SAMD10: variants seen among roughly 807,000 people sequenced by gnomAD.
The protein encoded by SAMD10 is sterile alpha motif domain-containing protein 10.
SAMD10 carries 16 observed loss-of-function variants against 22.5 expected under a neutral mutation model. The observed-to-expected ratio is 0.71, with a 90% CI of 0.48 to 1.08. The LOEUF (loss-of-function observed/expected upper bound fraction) is 1.08. Among genes scored for constraint, SAMD10 ranks in the 50% least tolerant of loss-of-function variants. The pLI, the probability that SAMD10 is intolerant of heterozygous loss-of-function variation, is 0.00. For missense variants in SAMD10, 227 were observed against 281.3 expected (o/e 0.81, Z 1.38); for synonymous variants, 118 against 122.2 (o/e 0.97, Z 0.23).
Position 63,977,184 on chromosome 20 carries a change from G to A in SAMD10, c.273+41C>T, listed in dbSNP as rs1206642894. ...TGGCAGGCAGAGTGAGAGTGGTGGA[G>A]AAGGAGGGCAGGGACGGAGGTGGGT... On this transcript the variant is annotated intron_variant, in intron 2 of 4. Transcript: ENST00000369886. This position sits in a 1 kb window ranked among gnomAD's most constrained non-coding sequence, Gnocchi z 5.4. The A allele has an allele frequency of 2.5e-6, 4 of 1,585,960 alleles. No homozygotes were observed. The highest frequency in any genetic ancestry group is 2.7e-5 in the African/African-American group (2 of 74,128).
Position 63,976,951 on chromosome 20 carries a change from C to G in SAMD10, c.445+20G>C, listed in dbSNP as rs1167437644. The G allele has an allele frequency of 5.6e-6, 9 of 1,613,034 alleles. No homozygotes were observed. Among genetic ancestry groups the G allele is most frequent in the Non-Finnish European group, 6.8e-6 (8 of 1,179,110 alleles). The stretch of plus-strand genomic sequence containing the variant: ...AGGCAGGTTAGCCCCACTCCCACAG[C>G]ACCCTCAGCGCCACTGTACCGGTGA... On this transcript the variant is annotated intron_variant, in intron 3 of 4. Coordinates refer to ENST00000369886, the MANE Select transcript of SAMD10 (RefSeq NM_080621.5).
intron 4 of SAMD10, 80 bp from the exon 5 acceptor site, chr20:63,975,612 G>A (rs375188411): frequency 2.6e-5 from 41 of 1,579,334 alleles, no homozygotes; most frequent in South Asian, 4.6e-5. Context: ...GCCTGCAGCC[G>A]ACCTCCTGAG....
Position 63,975,816 on chromosome 20 carries a change from C to T in SAMD10, c.462G>A (p.Arg154=), listed in dbSNP as rs973463538. The part of the protein sequence containing the change: ...QHAITGRALL[R]LNAEKLQRMG... ...TCCGCTGCAGCTTCTCCGCATTCAG[C>T]CGCAGCAGTGCCCGGCCTGGGGAGA... Residue 154 remains arginine, a synonymous_variant, in exon 4 of 5, where the codon CGG becomes CGA. Coordinates refer to ENST00000369886, the MANE Select transcript of SAMD10 (RefSeq NM_080621.5). 5 of 1,600,724 alleles carry T rather than the reference C, an allele frequency of 3.1e-6. No individual in the cohort carries two copies. Among genetic ancestry groups the T allele is most frequent in the Non-Finnish European group, 4.2e-6 (5 of 1,177,622 alleles).
Position 63,975,510 on chromosome 20 carries a change from C to G in SAMD10, c.609G>C (p.Ter203TyrextTer108). 2 of 1,608,110 alleles carry G rather than the reference C, an allele frequency of 1.2e-6. No homozygotes were observed. Among genetic ancestry groups the G allele is most frequent in the Non-Finnish European group, 1.7e-6 (2 of 1,178,284 alleles). ...LSQASFGKMS[*>Y] ...GTCTGGGTTCAAGCCTCAGCAGCAG[C>G]TAGGACATTTTCCCGAAGGAAGCTG... Residue 203 changes from the stop codon to tyrosine (Y), a stop_lost, in exon 5 of 5, where the codon TAG becomes TAC. Coordinates refer to ENST00000369886, the MANE Select transcript of SAMD10 (RefSeq NM_080621.5).
At chr20:63,978,281 G>C in intron 1 of SAMD10, 1 of 1,300,972 alleles carries the variant, frequency 7.7e-7, no homozygotes, top group Non-Finnish European at 1.0e-6. Context: ...ATCCAGGTCT[G>C]GTTACAGAGG....
Position 63,976,958 on chromosome 20 carries a change from A to C in SAMD10, c.445+13T>G, listed in dbSNP as rs760237440. 6.2e-7 allele frequency: 1 copy of C among 1,613,700 alleles called. No individual in the cohort carries two copies. Among genetic ancestry groups the C allele is most frequent in the Non-Finnish European group, 8.5e-7 (1 of 1,179,650 alleles). ...TTAGCCCCACTCCCACAGCACCCTCAGCGCCACTGTACCGGTGATGGCATG... is the reference window on the plus strand; with the variant it reads ...TTAGCCCCACTCCCACAGCACCCTCCGCGCCACTGTACCGGTGATGGCATG... On this transcript the variant is annotated intron_variant, in intron 3 of 4. Coordinates refer to ENST00000369886, the MANE Select transcript of SAMD10 (RefSeq NM_080621.5).
Position 63,975,794 on chromosome 20 carries a change from G to A in SAMD10, c.484C>T (p.Arg162Trp), listed in dbSNP as rs774690406. 32 of 1,603,380 alleles carry A rather than the reference G, an allele frequency of 2.0e-5. No individual in the cohort carries two copies. Among genetic ancestry groups the A allele is most frequent in the Non-Finnish European group, 2.5e-5 (29 of 1,178,658 alleles). ...LLRLNAEKLQ[R>W]MGLAQEAQRQ... is the part of the protein sequence containing the mutation. ...TGGGCCTCCTGGGCCAGCCCCATCCGCTGCAGCTTCTCCGCATTCAGCCGC... is the reference window on the plus strand; with the variant it reads ...TGGGCCTCCTGGGCCAGCCCCATCCACTGCAGCTTCTCCGCATTCAGCCGC... The change falls in exon 4 of 5, where the codon CGG becomes TGG. Residue 162 changes from arginine (R) to tryptophan (W), a missense_variant. Physicochemically the swap from Arg to Trp is moderately radical, Grantham distance 101. Transcript: ENST00000369886.
In SAMD10 at chr20:63,979,437, G is replaced by C; in HGVS notation, c.31C>G (p.Pro11Ala). Reference sequence around the variant, plus strand: ...ACGGCCCCGGCGCGGCCACGCGGGGGGCTCAGCTTGGACCTCAGCTCGGTG... The same window carrying C: ...ACGGCCCCGGCGCGGCCACGCGGGGCGCTCAGCTTGGACCTCAGCTCGGTG... MFTELRSKLS[P>A]PRGRAGAVRA... The change falls in exon 1 of 5, where the codon CCC (proline) becomes GCC (alanine). Residue 11 changes from proline to alanine, a missense_variant. Physicochemically the swap from Pro to Ala is conservative, Grantham distance 27. Transcript: ENST00000369886. The surrounding 1 kb of genome is among the most constrained non-coding windows in gnomAD (Gnocchi z 7.7). 2 of 1,473,438 alleles carry C rather than the reference G, an allele frequency of 1.4e-6. No individual in the cohort carries two copies. The allele number at this position is 1,473,438 out of a possible 1,614,324, so 91.3% of individuals were successfully genotyped here. A position where few individuals can be genotyped will look rare whatever the true frequency, so the allele number is the denominator to read the frequency against.
Position 63,977,285 on chromosome 20 carries a change from C to T in SAMD10, c.213G>A (p.Gln71=). 1.2e-6 allele frequency: 2 copies of T among 1,613,454 alleles called. No individual in the cohort carries two copies. Among genetic ancestry groups the T allele is most frequent in the Non-Finnish European group, 1.7e-6 (2 of 1,180,018 alleles). ...TGATTGGCCTGCTGCTGGCCGCCCT[C>T]TGGCTGCGGGAGTCATGCCACGTGA... ...TSLTWHDSRS[Q]RAASSRPIKL... is the part of the protein sequence containing the mutation. The change falls in exon 2 of 5, where the codon CAG becomes CAA. Residue 71 remains glutamine (Q), a synonymous_variant. Transcript: ENST00000369886. This position sits in a 1 kb window ranked among gnomAD's most constrained non-coding sequence, Gnocchi z 5.4.
chr20:63,979,124 C>G lies in SAMD10; in HGVS notation c.91+253G>C, dbSNP rs1263592055. Among the ~76,000 whole-genome samples the G allele has an allele frequency of 6.6e-6, 1 of 152,124 alleles. No individual in the cohort carries two copies. Among genetic ancestry groups the G allele is most frequent in the African/African-American group, 2.4e-5 (1 of 41,436 alleles). On this transcript the variant is annotated intron_variant, in intron 1 of 4. Transcript: ENST00000369886. The surrounding 1 kb of genome is among the most constrained non-coding windows in gnomAD (Gnocchi z 7.7). ...AGGAAAAGGTGACCCGAGCGTAGTG[C>G]CAGCCTGGACACAGGCGCCCCGGCT...
Position 63,974,174 on chromosome 20 carries a change from T to G in SAMD10, c.*1336A>C, listed in dbSNP as rs2059005599. On this transcript the variant is annotated 3_prime_UTR_variant, in exon 5 of 5. Transcript: ENST00000369886. ...TTTTGTCAGAGTATAAAAAAGTGAG[T>G]GCAGCAAAACAAGGAAGACGAGACA... The G allele has an allele frequency of 1.3e-5, 2 of 150,920 alleles. No homozygotes were observed. Among genetic ancestry groups the G allele is most frequent in the African/African-American group, 2.4e-5 (1 of 40,954 alleles). 9.3% of individuals were successfully genotyped at this position (150,920 alleles called of 1,614,324 possible). A position where few individuals can be genotyped will look rare whatever the true frequency, so the allele number is the denominator to read the frequency against.
rs1040531199 is a variant in SAMD10, at chr20:63,977,723, G to A, written c.92-317C>T. Among the ~76,000 whole-genome samples the A allele has an allele frequency of 6.6e-6, 1 of 152,242 alleles. No individual in the cohort carries two copies. The highest frequency in any genetic ancestry group is 1.5e-5 in the Non-Finnish European group (1 of 68,042). On this transcript the variant is annotated intron_variant, in intron 1 of 4. Transcript: ENST00000369886. This position sits in a 1 kb window ranked among gnomAD's most constrained non-coding sequence, Gnocchi z 5.4. ...GAACCTGAGACATATGACAAGAGGA[G>A]CTATCCTGGGACAGCCCTGACCTCA...
rs2059050363 is a variant in SAMD10, at chr20:63,979,594, C to A, written c.-127G>T. On this transcript the variant is annotated 5_prime_UTR_variant, in exon 1 of 5. Transcript: ENST00000369886. This position sits in a 1 kb window ranked among gnomAD's most constrained non-coding sequence, Gnocchi z 7.7. ...CCGGCCCCGCGCCCGAGCCGGTCCC[C>A]GCGGCCCGCGAGTGTGCGCGACGAG... 5.1e-6 allele frequency: 5 copies of A among 984,206 alleles called. No homozygotes were observed. The highest frequency in any genetic ancestry group is 1.8e-5 in the African/African-American group (1 of 57,022). 61.0% of individuals were successfully genotyped at this position (984,206 alleles called of 1,614,324 possible).
intron 1 of SAMD10, chr20:63,978,440 G>T: frequency 2.0e-6 from 1 of 506,080 alleles, no homozygotes; most frequent in African/African-American, 2.0e-5. Context: ...AGCAGGGCAG[G>T]TGAGGTTCCC....
At chr20:63,976,055 C>T (rs2059020023) in intron 3 of SAMD10, among the ~76,000 whole-genome samples, 1 of 152,212 alleles carries the variant, frequency 6.6e-6, no homozygotes, top group South Asian at 2.1e-4. Flanking sequence ...CGCCTGTAGT[C>T]CCAGCTACTC....
In SAMD10 at chr20:63,977,431, G is replaced by C; in HGVS notation, c.92-25C>G. The stretch of plus-strand genomic sequence containing the variant: ...GCTGTGTGTGGGGGTGCCTGGTCAG[G>C]GCAGTCAAGGGCAGAACCAGAGGCT... On this transcript the variant is annotated intron_variant, in intron 1 of 4. Coordinates refer to ENST00000369886, the MANE Select transcript of SAMD10 (RefSeq NM_080621.5). This position sits in a 1 kb window ranked among gnomAD's most constrained non-coding sequence, Gnocchi z 5.4. 1 of 1,607,960 alleles carries C rather than the reference G, an allele frequency of 6.2e-7. No individual in the cohort carries two copies. Among genetic ancestry groups the C allele is most frequent in the Non-Finnish European group, 8.5e-7 (1 of 1,176,588 alleles).
rs1337882797 is a variant in SAMD10, at chr20:63,979,030, G to A, written c.91+347C>T. Among the ~76,000 whole-genome samples the A allele has an allele frequency of 6.6e-6, 1 of 152,152 alleles. No homozygotes were observed. Among genetic ancestry groups the A allele is most frequent in the South Asian group, 2.1e-4 (1 of 4,832 alleles). On this transcript the variant is annotated intron_variant, in intron 1 of 4. Transcript: ENST00000369886. This position sits in a 1 kb window ranked among gnomAD's most constrained non-coding sequence, Gnocchi z 7.7. ...CAGAAGGAAATGGGGCGGGGGCACC[G>A]AGGCGGGATGTGACCTCGGCCCCCT...
chr20:63,977,010 GGT>G lies in SAMD10; in HGVS notation c.404_405del (p.Tyr135SerfsTer50). On this transcript the variant is annotated frameshift_variant, in exon 3 of 5. Coordinates refer to ENST00000369886, the MANE Select transcript of SAMD10 (RefSeq NM_080621.5). LOFTEE classifies it high-confidence loss of function. This position sits in a 1 kb window ranked among gnomAD's most constrained non-coding sequence, Gnocchi z 5.4. ...TGGGAGAAGGCCTCCACGTAGACGAGGTAGTTGTGGGGACAGTGCTTCTTGAG... is the reference window on the plus strand; with the variant it reads ...TGGGAGAAGGCCTCCACGTAGACGAGAGTTGTGGGGACAGTGCTTCTTGAG... Reference protein sequence around the residue: ...KWLKKHCPHNYLVYVEAFSQH... With the variant: ...KWLKKHCPHNXLVYVEAFSQH... The G allele has an allele frequency of 6.2e-7, 1 of 1,614,166 alleles. No individual in the cohort carries two copies. The highest frequency in any genetic ancestry group is 8.5e-7 in the Non-Finnish European group (1 of 1,180,034).
In SAMD10 at chr20:63,977,490, T is replaced by C. The variant is rs973206722; in HGVS notation, c.92-84A>G. 1 of 1,372,994 alleles carries C rather than the reference T, an allele frequency of 7.3e-7. No individual in the cohort carries two copies. The highest frequency in any genetic ancestry group is 1.0e-6 in the Non-Finnish European group (1 of 990,800). The allele number at this position is 1,372,994 out of a possible 1,614,324, so 85.1% of individuals were successfully genotyped here. ...TTGAGAGCTAGCTCCCTGCCCCATC[T>C]CCTCCACACTAGTGCGGGAAATCAC... On this transcript the variant is annotated intron_variant, in intron 1 of 4. Transcript: ENST00000369886. This position sits in a 1 kb window ranked among gnomAD's most constrained non-coding sequence, Gnocchi z 5.4.
Sources: allele counts gnomAD v4.1 joint callset (sites outside exome capture counted in the v4.1 genomes callset), GRCh38; gene constraint gnomAD v4.1.1; non-coding constraint Gnocchi (gnomAD v3.1); transcripts MANE v1.5; gene names NCBI Gene and HGNC (gene_info 2026-07-23, HGNC 2026-07-21).